Variants in TCF7L1 observed in about 807,000 individuals in gnomAD.
The protein encoded by TCF7L1 is transcription factor 7 like 1.
In TCF7L1, 18 loss-of-function variants were observed where a neutral mutation model predicts 63.7. The observed-to-expected ratio is 0.28, with a 90% CI of 0.20 to 0.42. The LOEUF (loss-of-function observed/expected upper bound fraction) is 0.42. Among genes scored for constraint, TCF7L1 ranks in the 10% least tolerant of loss-of-function variants. TCF7L1 has a pLI of 1.00. For missense variants in TCF7L1, 654 were observed against 779.3 expected (o/e 0.84, Z 1.91); for synonymous variants, 355 against 340.9 (o/e 1.04, Z -0.46).
rs1231339485 is a variant in TCF7L1 at position 85,168,483 on chromosome 2, CAGG to C, written c.441+34034_441+34036del. Among the ~76,000 whole-genome samples the C allele has an allele frequency of 3.9e-5, 6 of 152,230 alleles. No individual in the cohort carries two copies. The South Asian group carries it at 1.2e-3, about 32-fold the overall frequency. On this transcript the variant is annotated intron_variant, in intron 3 of 11. Coordinates refer to ENST00000282111, the MANE Select transcript of TCF7L1 (RefSeq NM_031283.3). ...TACACTGTCCCTGAGGGGGACACCT[CAGG>C]TGGTGTGGGGGTGTCGGGGAGTCAT...
In TCF7L1 at chr2:85,150,673, C is replaced by T. The variant is rs72932623; in HGVS notation, c.441+16223C>T. The stretch of plus-strand genomic sequence containing the variant: ...AAGATAGGGTGTTCTTATTGTATCT[C>T]CTCAGGAACGTTATCTATTTTTCCC... On this transcript the variant is annotated intron_variant, in intron 3 of 11. Coordinates refer to ENST00000282111, the MANE Select transcript of TCF7L1 (RefSeq NM_031283.3). Among the ~76,000 whole-genome samples the T allele has an allele frequency of 4.5e-3, 677 of 151,314 alleles. 7 individuals are homozygous for T. The highest frequency in any genetic ancestry group is 0.016 in the African/African-American group (649 of 41,258).
intron 3 of TCF7L1, among the ~76,000 whole-genome samples, chr2:85,144,454 T>A: frequency 6.7e-6 from 1 of 150,292 alleles, no homozygotes; most frequent in East Asian, 2.0e-4. Context: ...AAAAAAACAT[T>A]AGCCAGGAGT....
intron 3 of TCF7L1, among the ~76,000 whole-genome samples, chr2:85,243,765 G>A (rs759118951): frequency 7.9e-5 from 12 of 152,162 alleles, no homozygotes; most frequent in Non-Finnish European, 1.0e-4. Context: ...CATCCACTAC[G>A]TGCCAGGCAC....
At chr2:85,250,965 C>T (rs1680574180) in intron 3 of TCF7L1, among the ~76,000 whole-genome samples, 1 of 151,988 alleles carries the variant, frequency 6.6e-6, no homozygotes, top group Admixed American at 6.5e-5. Context: ...GACTGAGCAG[C>T]AAAAAGGTGT....
intron 3 of TCF7L1, among the ~76,000 whole-genome samples, chr2:85,220,995 G>A (rs1404209027): frequency 6.6e-6 from 1 of 152,176 alleles, no homozygotes; most frequent in Non-Finnish European, 1.5e-5. Flanking sequence ...TGTTATACAA[G>A]AAAGCATGAA....
chr2:85,203,158 G>A (rs571988367), intron 3 of TCF7L1, among the ~76,000 whole-genome samples: 8 of 152,180 alleles, frequency 5.3e-5, no homozygotes, highest in African/African-American at 1.9e-4. Context: ...TCTTATGAAA[G>A]GTTAAAGTGT....
intron 4 of TCF7L1, among the ~76,000 whole-genome samples, chr2:85,299,836 G>A (rs1427028050): frequency 1.2e-5 from 1 of 81,994 alleles, no homozygotes. Flanking sequence ...TCCAGCCTGG[G>A]CAACAGAGCG....
intron 4 of TCF7L1, among the ~76,000 whole-genome samples, chr2:85,298,709 A>T (rs1365838787): frequency 6.6e-6 from 1 of 152,002 alleles, no homozygotes; most frequent in Non-Finnish European, 1.5e-5. Flanking sequence ...GGCCATGCAC[A>T]CCCATGCCCA....
intron 3 of TCF7L1, among the ~76,000 whole-genome samples, chr2:85,149,538 T>C (rs1356823981): frequency 6.6e-6 from 1 of 152,186 alleles, no homozygotes; most frequent in Non-Finnish European, 1.5e-5. Flanking sequence ...TGTAACTTTT[T>C]TTTTTGAGAT....
chr2:85,302,441 C>A, intron 4 of TCF7L1, 43 bp from the exon 5 acceptor site: 1 of 1,613,666 alleles, frequency 6.2e-7, no homozygotes. Flanking sequence ...TCATACTCTC[C>A]ATCTCCTTGG....
intron 3 of TCF7L1, among the ~76,000 whole-genome samples, chr2:85,173,357 G>A (rs1005424624): frequency 3.3e-5 from 5 of 152,234 alleles, no homozygotes; most frequent in Admixed American, 6.5e-5. Flanking sequence ...GCAGGTAGGT[G>A]TTGGCCCACA....
chr2:85,289,349 C>T (rs904704596), intron 4 of TCF7L1, among the ~76,000 whole-genome samples: 1 of 151,762 alleles, frequency 6.6e-6, no homozygotes, highest in Non-Finnish European at 1.5e-5. Flanking sequence ...GGCCAGAGAC[C>T]CAGAGACCAG....
At position 85,171,100 on chromosome 2, in the gene TCF7L1, A is replaced by G; in HGVS notation, c.441+36650A>G. On this transcript the variant is annotated intron_variant, in intron 3 of 11. Transcript: ENST00000282111. ...GGGGAGGCCTCACAGCAGAAGGGAA[A>G]GGAGAAGCAGAGGCACGTCTTACAT... Among the ~76,000 whole-genome samples, 2 of 152,190 alleles carry G rather than the reference A, an allele frequency of 1.3e-5. 1 individual carries two copies. Among genetic ancestry groups the G allele is most frequent in the Non-Finnish European group, 2.9e-5 (2 of 68,036 alleles).
chr2:85,295,040 T>A (rs76812146), intron 4 of TCF7L1, among the ~76,000 whole-genome samples: 10,313 of 151,206 alleles, frequency 0.068, 430 homozygotes, highest in African/African-American at 0.11. Context: ...AAAAAAAAAA[T>A]TTTTTTAAAT....
chr2:85,147,294 G>A (rs2248072), intron 3 of TCF7L1, among the ~76,000 whole-genome samples: 83,907 of 151,764 alleles, frequency 0.55, 23,602 homozygotes, highest in East Asian at 0.85. Flanking sequence ...TTTCGTGGGG[G>A]GTCCGGGTAG....
chr2:85,276,788 C>A (rs924082985), intron 3 of TCF7L1, among the ~76,000 whole-genome samples: 1 of 152,116 alleles, frequency 6.6e-6, no homozygotes, highest in Non-Finnish European at 1.5e-5. Context: ...TGCAGCATGA[C>A]CCTTGAGGAG....
At chr2:85,207,799 AG>A (rs1208544676) in intron 3 of TCF7L1, among the ~76,000 whole-genome samples, 1 of 152,176 alleles carries the variant, frequency 6.6e-6, no homozygotes, top group African/African-American at 2.4e-5. Flanking sequence ...GTTATTAAAA[AG>A]GCTTTGCGTT....
At chr2:85,271,412 A>C (rs1481723618) in intron 3 of TCF7L1, among the ~76,000 whole-genome samples, 2 of 152,218 alleles carry the variant, frequency 1.3e-5, no homozygotes, top group Non-Finnish European at 2.9e-5. Context: ...CGCCCGGCCC[A>C]GTTTCCCATT....
Position 85,277,465 on chromosome 2 carries a change from G to A in TCF7L1, c.442-6030G>A, listed in dbSNP as rs550870653. 5.4e-4 allele frequency among the ~76,000 whole-genome samples: 82 copies of A among 152,184 alleles called. 2 individuals carry two copies. Among genetic ancestry groups the A allele is most frequent in the African/African-American group, 9.6e-4 (40 of 41,522 alleles). Reference sequence around the variant, plus strand: ...GTGGCACTGGGACTTTACATCTCCCGAAAAGCCTGGGCAACCCTTGCTTCT... The same window carrying A: ...GTGGCACTGGGACTTTACATCTCCCAAAAAGCCTGGGCAACCCTTGCTTCT... On this transcript the variant is annotated intron_variant, in intron 3 of 11. Coordinates refer to ENST00000282111, the MANE Select transcript of TCF7L1 (RefSeq NM_031283.3).
Sources: gnomAD v4.1 joint callset for allele counts (sites outside exome capture counted in the v4.1 genomes callset) on GRCh38, gnomAD v4.1.1 for gene constraint, MANE v1.5 for transcripts, NCBI Gene and HGNC (gene_info 2026-07-23, HGNC 2026-07-21) for gene names.